The following NBN variants were observed in gnomAD, a reference collection of about 807,000 sequenced individuals.
NBN encodes the protein Nijmegen breakage syndrome 1 (nibrin).
NBN carries 88 observed loss-of-function variants against 90.8 expected under a neutral mutation model. The ratio of observed to expected loss-of-function variants is 0.97; its 90% CI spans 0.82 to 1.16. NBN has a LOEUF of 1.16. Ranked by LOEUF, NBN falls within the 50% of genes most tolerant of loss-of-function variation. NBN has a pLI of 0.00. For missense variants in NBN, 894 were observed against 869.6 expected (o/e 1.03, Z -0.35); for synonymous variants, 328 against 295.1 (o/e 1.11, Z -1.14).
chr8:89,955,571 A>C lies in NBN; in HGVS notation c.1125-16T>G, dbSNP rs1220551574. 6.2e-7 allele frequency: 1 copy of C among 1,610,456 alleles called. No homozygotes were observed. On this transcript the variant is annotated splice_polypyrimidine_tract_variant and intron_variant, in intron 9 of 15. Coordinates refer to ENST00000265433, the MANE Select transcript of NBN (RefSeq NM_002485.5). Reference sequence around the variant, plus strand: ...ACTCAAATCCCTGTAGAAAAAGAAAAGAATGCAAGGTAAATAATCAAGTTT... The same window carrying C: ...ACTCAAATCCCTGTAGAAAAAGAAACGAATGCAAGGTAAATAATCAAGTTT...
chr8:89,935,751 A>C, intron 15 of NBN, 139 bp from the exon 16 acceptor site: 1 of 984,622 alleles, frequency 1.0e-6, no homozygotes, highest in Non-Finnish European at 1.5e-6. Context: ...TCAGATACTA[A>C]GCACTGACAT....
At chr8:89,952,670 A>C (rs1360927826) in intron 11 of NBN, among the ~76,000 whole-genome samples, 1 of 152,204 alleles carries the variant, frequency 6.6e-6, no homozygotes, top group Non-Finnish European at 1.5e-5. Context: ...GGAGATCAGA[A>C]TATTAAAGTT....
At chr8:89,958,170 G>A (rs1035997216) in intron 9 of NBN, among the ~76,000 whole-genome samples, 3 of 152,200 alleles carry the variant, frequency 2.0e-5, no homozygotes, top group South Asian at 2.1e-4. Flanking sequence ...GAGCTCAGGC[G>A]GTAATGCAAG....
intron 12 of NBN, among the ~76,000 whole-genome samples, chr8:89,947,046 A>G (rs1810221228): frequency 6.6e-6 from 1 of 152,084 alleles, no homozygotes; most frequent in African/African-American, 2.4e-5. Flanking sequence ...AAGCAGTCAA[A>G]AAGAAAAAAA....
chr8:89,984,339 A>C, intron 1 of NBN, 186 bp downstream of exon 1: 1 of 657,946 alleles, frequency 1.5e-6, no homozygotes, highest in Non-Finnish European at 2.7e-6. Flanking sequence ...GCTGAATTCC[A>C]GCTCACAGCC....
intron 2 of NBN, 77 bp from the exon 3 acceptor site, chr8:89,981,600 A>G: frequency 6.5e-7 from 1 of 1,527,674 alleles, no homozygotes; most frequent in Non-Finnish European, 9.0e-7. Flanking sequence ...TTTCAAAAGA[A>G]AAGACAATAG....
chr8:89,964,276 G>C (rs1586075334), intron 8 of NBN, 134 bp downstream of exon 8: 3 of 988,790 alleles, frequency 3.0e-6, no homozygotes, highest in East Asian at 2.6e-5. Context: ...ATGAATAAAT[G>C]AAAGTATAAA....
intron 14 of NBN, among the ~76,000 whole-genome samples, chr8:89,940,017 G>A (rs16893166): frequency 0.039 from 6,011 of 152,256 alleles, 225 homozygotes; most frequent in East Asian, 0.16. Context: ...ATGTGCCACT[G>A]ACTGTTTCAG....
At chr8:89,968,653 T>C (rs1811363090) in intron 7 of NBN, among the ~76,000 whole-genome samples, 1 of 152,160 alleles carries the variant, frequency 6.6e-6, no homozygotes, top group South Asian at 2.1e-4. Context: ...GTCTGGCTCT[T>C]TGAAAAACTG....
intron 5 of NBN, among the ~76,000 whole-genome samples, chr8:89,975,275 A>G (rs1811699806): frequency 6.6e-6 from 1 of 152,242 alleles, no homozygotes; most frequent in Non-Finnish European, 1.5e-5. Context: ...ATATTATAGT[A>G]TGCCTCCTAA....
At chr8:89,982,041 A>C (rs1389699356) in intron 2 of NBN, 3 of 874,152 alleles carry the variant, frequency 3.4e-6, no homozygotes, top group Non-Finnish European at 4.8e-6. Flanking sequence ...AAACTGAAGA[A>C]ATTCATATCG....
Position 89,955,346 on chromosome 8 carries a change from C to G in NBN, c.1334G>C (p.Arg445Thr), listed in dbSNP as rs1448696637. The G allele has an allele frequency of 1.2e-6, 2 of 1,613,564 alleles. No individual in the cohort carries two copies. Among genetic ancestry groups the G allele is most frequent in the Non-Finnish European group, 8.5e-7 (1 of 1,179,780 alleles). Reference protein sequence around the residue: ...KLPSINKSKDRASQQQQTNSI... With the variant: ...KLPSINKSKDTASQQQQTNSI... ...GTTGGTCTGCTGCTGCTGAGAAGCC[C>G]TATCTTTACTTTTATTTATACTTGG... Residue 445 changes from arginine (R) to threonine (T), a missense_variant, in exon 10 of 16, where the codon AGG becomes ACG. Coordinates refer to ENST00000265433, the MANE Select transcript of NBN (RefSeq NM_002485.5).
In NBN at chr8:89,953,299, A is replaced by G. The variant is rs1810523836; in HGVS notation, c.1790T>C (p.Ile597Thr). 1 of 1,613,168 alleles carries G rather than the reference A, an allele frequency of 6.2e-7. No individual in the cohort carries two copies. Among genetic ancestry groups the G allele is most frequent in the South Asian group, 1.1e-5 (1 of 91,072 alleles). ...ATCACTGAAAGTGTCATTTGTTTCTATATCCATCCTTGGCCTTTTTCTAAC... is the reference window on the plus strand; with the variant it reads ...ATCACTGAAAGTGTCATTTGTTTCTGTATCCATCCTTGGCCTTTTTCTAAC... ...VNVRKRPRMD[I>T]ETNDTFSDEA... Residue 597 changes from isoleucine to threonine, a missense_variant, in exon 11 of 16, where the codon ATA becomes ACA. Physicochemically the swap from Ile to Thr is moderately conservative, Grantham distance 89. Transcript: ENST00000265433.
At chr8:89,973,797 GC>G (rs942696008) in intron 5 of NBN, among the ~76,000 whole-genome samples, 2 of 152,072 alleles carry the variant, frequency 1.3e-5, no homozygotes, top group Non-Finnish European at 2.9e-5. Context: ...AGAGACCTAG[GC>G]TAGAGGCATA....
At position 89,956,190 on chromosome 8, in the gene NBN, T is replaced by C. The variant is rs560332281; in HGVS notation, c.1125-635A>G. Among the ~76,000 whole-genome samples the C allele has an allele frequency of 2.3e-5, 3 of 132,862 alleles. No homozygotes were observed. In the South Asian group the frequency reaches 7.5e-4, roughly 33 times the overall value. The allele number at this position is 132,862 out of a possible 152,430, so 87.2% of individuals were successfully genotyped here. A position where few individuals can be genotyped will look rare whatever the true frequency, so the allele number is the denominator to read the frequency against. The stretch of plus-strand genomic sequence containing the variant: ...TTAGACACTGCCTTTGCTATTCTTA[T>C]TTTACAGAAAAAAAAAAAACAAAAA... On this transcript the variant is annotated intron_variant, in intron 9 of 15. Coordinates refer to ENST00000265433, the MANE Select transcript of NBN (RefSeq NM_002485.5).
chr8:89,982,538 A>G, intron 2 of NBN, 184 bp downstream of exon 2: 1 of 606,552 alleles, frequency 1.6e-6, no homozygotes, highest in Non-Finnish European at 2.9e-6. Flanking sequence ...AAATCTCAAA[A>G]TGAACAAATA....
intron 9 of NBN, among the ~76,000 whole-genome samples, chr8:89,958,245 T>C (rs1810819699): frequency 6.6e-6 from 1 of 152,216 alleles, no homozygotes; most frequent in Admixed American, 6.5e-5. Context: ...CCTACTGCTG[T>C]GTGGCCTGGT....
chr8:89,964,376 T>C lies in NBN; in HGVS notation c.994+34A>G, dbSNP rs1811139435. ...AGCTTATCGATTTACATAATAAAGT[T>C]GCTAACGAATCAATAAAATAATGCT... is the stretch of plus-strand genomic sequence containing the variant. On this transcript the variant is annotated intron_variant, in intron 8 of 15. Transcript: ENST00000265433. 4 of 1,610,108 alleles carry C rather than the reference T, an allele frequency of 2.5e-6. No homozygotes were observed. The South Asian group carries it at 4.4e-5, about 18-fold the overall frequency.
chr8:89,940,587 G>A, intron 14 of NBN, among the ~76,000 whole-genome samples: 1 of 145,882 alleles, frequency 6.9e-6, no homozygotes, highest in African/African-American at 2.5e-5. Context: ...TTACTCAAGT[G>A]AAGGCAAAAA....
Sources: allele counts gnomAD v4.1 joint callset (sites outside exome capture counted in the v4.1 genomes callset), GRCh38; gene constraint gnomAD v4.1.1; transcripts MANE v1.5; gene names NCBI Gene and HGNC (gene_info 2026-07-23, HGNC 2026-07-21).